The following LRRC7 variants were observed in gnomAD, a reference collection of about 807,000 sequenced individuals.
LRRC7 encodes leucine rich repeat containing 7, also known as leucine-rich repeat-containing protein 7.
Under a neutral mutation model 175.7 loss-of-function variants are expected in LRRC7, and 23 were observed. That is an observed-to-expected ratio of 0.13 (90% CI 0.09 to 0.19). LRRC7 has a LOEUF of 0.19. Ranked by LOEUF, LRRC7 falls within the 10% of genes least tolerant of loss-of-function variation. The probability of loss-of-function intolerance (pLI) is 1.00; values close to 1 mark genes in which losing one functional copy is unlikely to be tolerated. For missense variants in LRRC7, 1,354 were observed against 1,904.7 expected (o/e 0.71, Z 5.38); for synonymous variants, 685 against 680.9 (o/e 1.01, Z -0.09).
At chr1:69,829,968 T>C (rs1397771164) in intron 5 of LRRC7, among the ~76,000 whole-genome samples, 2 of 151,746 alleles carry the variant, frequency 1.3e-5, no homozygotes, top group African/African-American at 4.8e-5. Context: ...GATAAATAAC[T>C]CCTCAATGGG....
At chr1:70,086,946 C>T (rs549572908) in intron 24 of LRRC7, among the ~76,000 whole-genome samples, 1 of 152,170 alleles carries the variant, frequency 6.6e-6, no homozygotes, top group South Asian at 2.1e-4. Context: ...GGTGGAACTA[C>T]TTATATGTGA....
intron 22 of LRRC7, among the ~76,000 whole-genome samples, chr1:70,050,820 A>G (rs2102058136): frequency 6.6e-6 from 1 of 152,032 alleles, no homozygotes; most frequent in East Asian, 1.9e-4. Flanking sequence ...CCAAATGTCA[A>G]TAAATTGTTT....
intron 7 of LRRC7, among the ~76,000 whole-genome samples, chr1:69,908,883 C>G (rs1387584094): frequency 6.0e-5 from 9 of 150,710 alleles, no homozygotes; most frequent in Non-Finnish European, 1.2e-4. Flanking sequence ...TAAAGTCTCC[C>G]ATTATTATTG....
intron 1 of LRRC7, among the ~76,000 whole-genome samples, chr1:69,587,049 C>A (rs2100939408): frequency 6.6e-6 from 1 of 152,220 alleles, no homozygotes; most frequent in Non-Finnish European, 1.5e-5. Flanking sequence ...GTTTGCATAT[C>A]TAGATATCTG....
chr1:69,917,114 T>C (rs1263867594), intron 7 of LRRC7, among the ~76,000 whole-genome samples: 1 of 152,192 alleles, frequency 6.6e-6, no homozygotes, highest in Non-Finnish European at 1.5e-5. Flanking sequence ...TACCACCATT[T>C]TTATTAGAAC....
intron 22 of LRRC7, among the ~76,000 whole-genome samples, chr1:70,050,349 T>A (rs1169520762): frequency 6.6e-6 from 1 of 152,086 alleles, no homozygotes; most frequent in Non-Finnish European, 1.5e-5. Context: ...AGACTTCTAC[T>A]CAGCATTATT....
intron 7 of LRRC7, among the ~76,000 whole-genome samples, chr1:69,918,709 C>G (rs1341552266): frequency 6.6e-6 from 1 of 151,940 alleles, no homozygotes; most frequent in Non-Finnish European, 1.5e-5. Flanking sequence ...AGAAAGACAA[C>G]TTCAAAAGTG....
intron 1 of LRRC7, among the ~76,000 whole-genome samples, chr1:69,623,125 A>C (rs1452852540): frequency 6.6e-6 from 1 of 152,216 alleles, no homozygotes; most frequent in East Asian, 1.9e-4. Flanking sequence ...TCCTATCTGA[A>C]AACAAAGTTC....
At chr1:69,895,728 A>G (rs961680036) in intron 7 of LRRC7, among the ~76,000 whole-genome samples, 1 of 152,182 alleles carries the variant, frequency 6.6e-6, no homozygotes, top group Non-Finnish European at 1.5e-5. Context: ...TTCACTGAGC[A>G]TAATTATTCT....
At chr1:69,649,515 G>A (rs1655476935) in intron 1 of LRRC7, among the ~76,000 whole-genome samples, 1 of 152,094 alleles carries the variant, frequency 6.6e-6, no homozygotes, top group Non-Finnish European at 1.5e-5. Context: ...TAAATATCTA[G>A]AGCATTCAAA....
At chr1:69,644,753 C>A (rs1007459961) in intron 1 of LRRC7, among the ~76,000 whole-genome samples, 2 of 151,728 alleles carry the variant, frequency 1.3e-5, no homozygotes, top group African/African-American at 4.8e-5. Context: ...AAAATGTTAG[C>A]AAATTTAATC....
chr1:69,882,309 T>C (rs1686700208), intron 7 of LRRC7, among the ~76,000 whole-genome samples: 1 of 152,154 alleles, frequency 6.6e-6, no homozygotes, highest in African/African-American at 2.4e-5. Context: ...GGTACGAAGA[T>C]TCCTTAAAAA....
chr1:69,852,312 G>T (rs926866082), intron 7 of LRRC7, among the ~76,000 whole-genome samples: 1 of 152,030 alleles, frequency 6.6e-6, no homozygotes, highest in Admixed American at 6.6e-5. Flanking sequence ...TGCAAAGAAC[G>T]TTTACAATGT....
At chr1:69,755,843 C>T (rs912303121) in intron 2 of LRRC7, among the ~76,000 whole-genome samples, 1 of 151,860 alleles carries the variant, frequency 6.6e-6, no homozygotes, top group East Asian at 1.9e-4. Flanking sequence ...TGCCAGATTA[C>T]CCTGCACTAA....
chr1:69,756,339 T>A (rs12077078), intron 2 of LRRC7, among the ~76,000 whole-genome samples: 4,613 of 151,742 alleles, frequency 0.03, 221 homozygotes, highest in African/African-American at 0.1. Flanking sequence ...TGATTTTTTT[T>A]AAAAAATGAA....
At chr1:69,804,402 G>A (rs1676875869) in intron 4 of LRRC7, among the ~76,000 whole-genome samples, 2 of 151,252 alleles carry the variant, frequency 1.3e-5, no homozygotes, top group Non-Finnish European at 3.0e-5. Flanking sequence ...CCCAATACTT[G>A]AAATATTTAC....
intron 7 of LRRC7, among the ~76,000 whole-genome samples, chr1:69,851,648 A>C (rs1273156155): frequency 6.6e-6 from 1 of 152,164 alleles, no homozygotes; most frequent in Non-Finnish European, 1.5e-5. Context: ...TAACCTGAGC[A>C]CAAGTAGAAA....
At chr1:69,707,103 G>A (rs1034804532) in intron 2 of LRRC7, among the ~76,000 whole-genome samples, 2 of 152,084 alleles carry the variant, frequency 1.3e-5, no homozygotes, top group Non-Finnish European at 2.9e-5. Flanking sequence ...CTAAAATGAT[G>A]ATGATTAATG....
At chr1:69,993,497 C>T (rs1288874805) in intron 10 of LRRC7, among the ~76,000 whole-genome samples, 1 of 152,068 alleles carries the variant, frequency 6.6e-6, no homozygotes, top group African/African-American at 2.4e-5. Context: ...AAAACATGTT[C>T]ACAAAACACT....
Sources: gnomAD v4.1 joint callset for allele counts (sites outside exome capture counted in the v4.1 genomes callset) on GRCh38, gnomAD v4.1.1 for gene constraint, MANE v1.5 for transcripts, NCBI Gene and HGNC (gene_info 2026-07-23, HGNC 2026-07-21) for gene names.